Variants in PPL observed in about 807,000 individuals in gnomAD.
PPL encodes the protein periplakin, also known as 190 kDa paraneoplastic pemphigus antigen.
PPL carries 198 observed loss-of-function variants against 194.4 expected under a neutral mutation model. That is an observed-to-expected ratio of 1.02 (90% CI 0.91 to 1.15). The LOEUF is 1.15. Among genes scored for constraint, PPL ranks in the 50% most tolerant of loss-of-function variants. The pLI is 0.00. For missense variants in PPL, 2,885 were observed against 2,294.8 expected (o/e 1.26, Z -5.25); for synonymous variants, 1,220 against 972.4 (o/e 1.25, Z -4.74).
At position 4,895,422 on chromosome 16, in the gene PPL, G is replaced by C; in HGVS notation, c.1096-15C>G. 1.9e-6 allele frequency: 3 copies of C among 1,611,624 alleles called. No homozygotes were observed. The highest frequency in any genetic ancestry group is 2.5e-6 in the Non-Finnish European group (3 of 1,179,182). On this transcript the variant is annotated splice_polypyrimidine_tract_variant and intron_variant, in intron 10 of 21. Transcript: ENST00000345988. ...TTCTCCTGGTCCTGGAGAGAACGGG[G>C]TCAGGGGCCCAGGTGAGACCAACAG...
intron 1 of PPL, among the ~76,000 whole-genome samples, chr16:4,923,979 A>T (rs999908485): frequency 6.6e-6 from 1 of 152,248 alleles, no homozygotes; most frequent in South Asian, 2.1e-4. Context: ...GTATTACTCC[A>T]CCTGTCTCAG....
At chr16:4,912,038 C>T (rs2088829669) in intron 1 of PPL, among the ~76,000 whole-genome samples, 1 of 152,210 alleles carries the variant, frequency 6.6e-6, no homozygotes, top group African/African-American at 2.4e-5. Context: ...CAAAACGCAC[C>T]ATATTTGAAA....
At chr16:4,918,718 C>A (rs1344773223) in intron 1 of PPL, among the ~76,000 whole-genome samples, 2 of 152,194 alleles carry the variant, frequency 1.3e-5, no homozygotes, top group South Asian at 2.1e-4. Flanking sequence ...ACAGTCTCAG[C>A]GTTTTTGCCC....
intron 16 of PPL, 152 bp downstream of exon 16, chr16:4,891,659 T>C (rs759309108): frequency 1.2e-5 from 11 of 914,286 alleles, no homozygotes; most frequent in African/African-American, 3.3e-5. Flanking sequence ...GGATTTGTGC[T>C]GTGGGCCTCC....
At chr16:4,920,669 G>A (rs2089032295) in intron 1 of PPL, among the ~76,000 whole-genome samples, 1 of 152,166 alleles carries the variant, frequency 6.6e-6, no homozygotes, top group Non-Finnish European at 1.5e-5. Context: ...CGCCATGTTA[G>A]CCGGGGTGGT....
chr16:4,932,970 T>C (rs780151450), intron 1 of PPL, among the ~76,000 whole-genome samples: 21 of 151,456 alleles, frequency 1.4e-4, no homozygotes, highest in Non-Finnish European at 2.9e-4. Flanking sequence ...CCTGAACTCA[T>C]GCCCAGCTAG....
chr16:4,914,109 G>T (rs2088871559), intron 1 of PPL, among the ~76,000 whole-genome samples: 1 of 152,204 alleles, frequency 6.6e-6, no homozygotes, highest in African/African-American at 2.4e-5. Context: ...TGGTGTTCCT[G>T]TGCAGAAGGC....
At position 4,884,983 on chromosome 16, in the gene PPL, G is replaced by C; in HGVS notation, c.3672C>G (p.Pro1224=). ...TAGTCACCTCTTTGACTTCCACCTG[G>C]GGGCCTCGCCTCCTGAGGGCCTCCA... The part of the protein sequence containing the change: ...SELEALRRRG[P]QVEVKEVTKE... Residue 1224 remains proline, a synonymous_variant, in exon 22 of 22, where the codon CCC becomes CCG. Coordinates refer to ENST00000345988, the MANE Select transcript of PPL (RefSeq NM_002705.5). This position sits in a 1 kb window ranked among gnomAD's most constrained non-coding sequence, Gnocchi z 5.7. The C allele has an allele frequency of 6.2e-7, 1 of 1,614,020 alleles. No homozygotes were observed. The highest frequency in any genetic ancestry group is 8.5e-7 in the Non-Finnish European group (1 of 1,180,018).
At chr16:4,935,582 G>C (rs887853) in intron 1 of PPL, among the ~76,000 whole-genome samples, 126,195 of 152,058 alleles carry the variant, frequency 0.83, 52,635 homozygotes, top group Middle Eastern at 0.88. Flanking sequence ...ATAGGGGAGG[G>C]GTGGGGAAAT....
chr16:4,926,652 G>T (rs1028098570), intron 1 of PPL, among the ~76,000 whole-genome samples: 5 of 152,262 alleles, frequency 3.3e-5, no homozygotes, highest in African/African-American at 1.2e-4. Context: ...GAGGCGGGCA[G>T]ATCACGAGGT....
intron 1 of PPL, among the ~76,000 whole-genome samples, chr16:4,931,459 A>C (rs529890765): frequency 6.6e-6 from 1 of 152,300 alleles, no homozygotes; most frequent in Non-Finnish European, 1.5e-5. Flanking sequence ...CGGAGGCAGA[A>C]AGGGGCACCA....
At position 4,895,846 on chromosome 16, in the gene PPL, T is replaced by A. The variant is rs1018852891; in HGVS notation, c.973-130A>T. The A allele has an allele frequency of 2.3e-6, 3 of 1,308,804 alleles. No homozygotes were observed. In the African/African-American group the frequency reaches 4.4e-5, roughly 19 times the overall value. 81.1% of individuals were successfully genotyped at this position (1,308,804 alleles called of 1,614,324 possible). On this transcript the variant is annotated intron_variant, in intron 9 of 21. Coordinates refer to ENST00000345988, the MANE Select transcript of PPL (RefSeq NM_002705.5). ...TCACCTGGAGTCCAGCATGGGACCC[T>A]GTGCTGAGCCTGAGGCTCCTCTGCG... is the stretch of plus-strand genomic sequence containing the variant.
chr16:4,900,376 C>A (rs1239440628), intron 6 of PPL, among the ~76,000 whole-genome samples: 1 of 149,008 alleles, frequency 6.7e-6, no homozygotes, highest in Non-Finnish European at 1.5e-5. Context: ...CAGGAAAAGG[C>A]TGGGGCACCT....
chr16:4,931,201 A>G (rs2089221243), intron 1 of PPL, among the ~76,000 whole-genome samples: 2 of 152,040 alleles, frequency 1.3e-5, no homozygotes, highest in Non-Finnish European at 2.9e-5. Flanking sequence ...CCATCTCTAC[A>G]AATATTAAAA....
chr16:4,888,884 T>G, intron 19 of PPL, 94 bp downstream of exon 19: 1 of 1,259,712 alleles, frequency 7.9e-7, no homozygotes, highest in South Asian at 1.2e-5. Flanking sequence ...TCCACCCCCA[T>G]GTGCCAGGGC....
rs772494157 is a variant in PPL, at chr16:4,893,650, G to C, written c.1395-12C>G. ...ACTGGCTGCCCAGGCTGTGAGGACAGAAATGAGCTGGGAACCTGGGCAGCC... is the reference window on the plus strand; with the variant it reads ...ACTGGCTGCCCAGGCTGTGAGGACACAAATGAGCTGGGAACCTGGGCAGCC... On this transcript the variant is annotated splice_polypyrimidine_tract_variant and intron_variant, in intron 12 of 21. Coordinates refer to ENST00000345988, the MANE Select transcript of PPL (RefSeq NM_002705.5). The C allele has an allele frequency of 2.4e-5, 37 of 1,569,548 alleles. No individual in the cohort carries two copies. Among genetic ancestry groups the C allele is most frequent in the Non-Finnish European group, 3.2e-5 (37 of 1,161,472 alleles).
chr16:4,924,827 G>A (rs2089125910), intron 1 of PPL, among the ~76,000 whole-genome samples: 1 of 152,228 alleles, frequency 6.6e-6, no homozygotes, highest in African/African-American at 2.4e-5. Flanking sequence ...CCTTCTCCAG[G>A]CTGCGAGAGC....
chr16:4,911,398 GTGATCCACCTATCTTGGCCTCCCAA>G, intron 1 of PPL, among the ~76,000 whole-genome samples: 1 of 152,186 alleles, frequency 6.6e-6, no homozygotes, highest in African/African-American at 2.4e-5. Context: ...CTGACCTCAA[GTGATCCACCTATCTTGGCCTCCCAA>G]AGTGCTGGGA....
At chr16:4,936,872 G>A in intron 1 of PPL, 112 bp downstream of exon 1, 2 of 1,114,692 alleles carry the variant, frequency 1.8e-6, no homozygotes, top group Non-Finnish European at 2.5e-6. Context: ...TTCAGTTCCC[G>A]GTTCCTGGAC....
Sources: allele counts gnomAD v4.1 joint callset (sites outside exome capture counted in the v4.1 genomes callset), GRCh38; gene constraint gnomAD v4.1.1; non-coding constraint Gnocchi (gnomAD v3.1); transcripts MANE v1.5; gene names NCBI Gene and HGNC (gene_info 2026-07-23, HGNC 2026-07-21).